SLC23A2: variants seen among roughly 807,000 people sequenced by gnomAD.
SLC23A2 encodes solute carrier family 23 member 2, also known as Na(+)/L-ascorbic acid transporter 2.
SLC23A2 carries 36 observed loss-of-function variants against 73.3 expected under a neutral mutation model. That is an observed-to-expected ratio of 0.49 (90% CI 0.38 to 0.65). The LOEUF (loss-of-function observed/expected upper bound fraction) is 0.65, where lower values mean the gene tolerates loss of function less well. Among genes scored for constraint, SLC23A2 ranks in the 30% least tolerant of loss-of-function variants. The pLI is 0.00. For missense variants in SLC23A2, 507 were observed against 841.6 expected (o/e 0.60, Z 4.92); for synonymous variants, 343 against 327.3 (o/e 1.05, Z -0.52).
intron 4 of SLC23A2, among the ~76,000 whole-genome samples, chr20:4,905,418 C>CA (rs979311865): frequency 2.5e-4 from 38 of 152,302 alleles, no homozygotes; most frequent in African/African-American, 8.9e-4. Context: ...ACTCAGTGAT[C>CA]ACTGTAAACT....
At chr20:4,885,996 T>C (rs987901033) in intron 6 of SLC23A2, 87 bp from the exon 7 acceptor site, 20 of 783,862 alleles carry the variant, frequency 2.6e-5, no homozygotes, top group Non-Finnish European at 3.0e-5. Flanking sequence ...GTCTTTTCCA[T>C]AGACATACAG....
At chr20:4,960,932 C>G (rs561271480) in intron 2 of SLC23A2, among the ~76,000 whole-genome samples, 1 of 152,148 alleles carries the variant, frequency 6.6e-6, no homozygotes, top group South Asian at 2.1e-4. Context: ...AAATGTTTAA[C>G]CAAAGACTAT....
At chr20:4,965,326 T>G (rs1346264347) in intron 2 of SLC23A2, among the ~76,000 whole-genome samples, 1 of 152,156 alleles carries the variant, frequency 6.6e-6, no homozygotes, top group Non-Finnish European at 1.5e-5. Context: ...GGGTTCCTGA[T>G]TTTCCTTAAA....
At chr20:4,889,516 C>G (rs17339746) in intron 6 of SLC23A2, among the ~76,000 whole-genome samples, 14,780 of 151,684 alleles carry the variant, frequency 0.097, 1,057 homozygotes, top group Admixed American at 0.16. Flanking sequence ...GGAACCAAGC[C>G]ACAGAGGACA....
rs952732406 is a variant in SLC23A2, at chr20:4,899,937, C to T, written c.325-225G>A. Among the ~76,000 whole-genome samples, 1 of 152,208 alleles carries T rather than the reference C, an allele frequency of 6.6e-6. No homozygotes were observed. The highest frequency in any genetic ancestry group is 2.4e-5 in the African/African-American group (1 of 41,436). On this transcript the variant is annotated intron_variant, in intron 5 of 16. Coordinates refer to ENST00000338244, the MANE Select transcript of SLC23A2 (RefSeq NM_005116.6). The surrounding 1 kb of genome is among the most constrained non-coding windows in gnomAD (Gnocchi z 4.9). The stretch of plus-strand genomic sequence containing the variant: ...CCTCGACGGAGTGCAATGGTGCGAT[C>T]TTGGCTCACTGTGACCTCCACCTCC...
intron 1 of SLC23A2, among the ~76,000 whole-genome samples, chr20:4,986,661 C>T (rs1027248884): frequency 9.4e-5 from 12 of 128,318 alleles, no homozygotes; most frequent in African/African-American, 3.1e-4. Flanking sequence ...CACACACACA[C>T]ACACACACAC....
chr20:5,002,024 G>C (rs1047919624), upstream of SLC23A2, among the ~76,000 whole-genome samples: 9 of 152,116 alleles, frequency 5.9e-5, no homozygotes, highest in Admixed American at 2.0e-4. Context: ...ACAGACCAAG[G>C]CTTTTCAGAC....
At chr20:4,920,331 C>G (rs990247243) in intron 3 of SLC23A2, among the ~76,000 whole-genome samples, 1 of 152,212 alleles carries the variant, frequency 6.6e-6, no homozygotes, top group African/African-American at 2.4e-5. Flanking sequence ...ATTCTGCTGC[C>G]AAGCATGCAA....
intron 2 of SLC23A2, among the ~76,000 whole-genome samples, chr20:4,956,022 A>G (rs181820428): frequency 1.3e-5 from 2 of 152,292 alleles, no homozygotes; most frequent in East Asian, 3.9e-4. Flanking sequence ...GTATGGTTAG[A>G]AAACTCAGGG....
intron 4 of SLC23A2, among the ~76,000 whole-genome samples, chr20:4,908,125 C>T (rs927196266): frequency 3.9e-5 from 6 of 152,110 alleles, no homozygotes; most frequent in Admixed American, 2.6e-4. Context: ...TTGCAGCTCC[C>T]AAATCAGAAA....
chr20:4,975,528 G>C (rs768705471), intron 1 of SLC23A2, among the ~76,000 whole-genome samples: 3 of 149,642 alleles, frequency 2.0e-5, no homozygotes, highest in Non-Finnish European at 4.5e-5. Context: ...TTACGTGCAC[G>C]CACCACCACG....
In SLC23A2 at chr20:5,001,348, C is replaced by T. The variant is rs1470288787; in HGVS notation, c.-282+58G>A. The stretch of plus-strand genomic sequence containing the variant: ...CGTGGGCGCGGCGAGCACCTCGCGG[C>T]CCCGCCGGCAGGTGCGGCCCGCAGG... On this transcript the variant is annotated intron_variant, in intron 1 of 16. Transcript: ENST00000338244. 54 of 146,440 alleles carry T rather than the reference C, an allele frequency of 3.7e-4. 2 individuals carry two copies. The highest frequency in any genetic ancestry group is 3.7e-3 in the Admixed American group (54 of 14,756). The allele number at this position is 146,440 out of a possible 1,614,324, so 9.1% of individuals were successfully genotyped here.
chr20:4,871,068 T>C (rs73893852), intron 11 of SLC23A2, among the ~76,000 whole-genome samples: 1,873 of 152,308 alleles, frequency 0.012, 38 homozygotes, highest in African/African-American at 0.043. Context: ...AAAAATAGCA[T>C]GGGTCTCTTT....
intron 2 of SLC23A2, among the ~76,000 whole-genome samples, chr20:4,956,973 A>C (rs189938557): frequency 2.0e-5 from 3 of 151,766 alleles, no homozygotes; most frequent in African/African-American, 7.3e-5. Flanking sequence ...ATGCCCGGCT[A>C]ATTTTATATT....
At chr20:4,897,024 C>G (rs1355325977) in intron 6 of SLC23A2, among the ~76,000 whole-genome samples, 2 of 152,176 alleles carry the variant, frequency 1.3e-5, no homozygotes, top group African/African-American at 2.4e-5. Context: ...CCCACCAAGT[C>G]CCCTGGAGGA....
At chr20:4,889,338 C>T (rs559216101) in intron 6 of SLC23A2, among the ~76,000 whole-genome samples, 5 of 152,020 alleles carry the variant, frequency 3.3e-5, no homozygotes, top group Admixed American at 1.3e-4. Context: ...TCCACTTGAG[C>T]GAAAGCACAG....
At chr20:5,010,102 A>G (rs533166590) in intron 1 of SLC23A2, 4 of 152,254 alleles carry the variant, frequency 2.6e-5, no homozygotes, top group Non-Finnish European at 5.9e-5. Context: ...CTCAAAAAAA[A>G]AAAAAAAAAA....
chr20:4,937,413 G>A (rs1203650155), intron 2 of SLC23A2, among the ~76,000 whole-genome samples: 1 of 152,180 alleles, frequency 6.6e-6, no homozygotes, highest in Non-Finnish European at 1.5e-5. Context: ...ATACATGACA[G>A]TGGGGAAGGA....
chr20:4,922,148 G>C (rs373471470), intron 3 of SLC23A2, among the ~76,000 whole-genome samples: 3 of 152,172 alleles, frequency 2.0e-5, no homozygotes, highest in East Asian at 1.9e-4. Flanking sequence ...TGCCTACCTA[G>C]CTTAGGCAAA....
Sources: allele counts gnomAD v4.1 joint callset (sites outside exome capture counted in the v4.1 genomes callset), GRCh38; gene constraint gnomAD v4.1.1; non-coding constraint Gnocchi (gnomAD v3.1); transcripts MANE v1.5; gene names NCBI Gene and HGNC (gene_info 2026-07-23, HGNC 2026-07-21).